Variants in TRHDE observed in about 807,000 individuals in gnomAD.
The protein encoded by TRHDE is thyrotropin-releasing hormone-degrading ectoenzyme.
TRHDE carries 72 observed loss-of-function variants against 125.7 expected under a neutral mutation model. The observed-to-expected ratio is 0.57, with a 90% CI of 0.47 to 0.70. TRHDE has a LOEUF of 0.70. Among genes scored for constraint, TRHDE ranks in the 30% least tolerant of loss-of-function variants. TRHDE has a pLI of 0.00. For missense variants in TRHDE, 1,110 were observed against 1,327.1 expected, an observed-to-expected ratio of 0.84 and a Z score of 2.54; for synonymous variants, 509 against 509.1, an observed-to-expected ratio of 1.00 and a Z score of 0.00.
At chr12:72,612,831 G>A (rs1282105532) in intron 12 of TRHDE, among the ~76,000 whole-genome samples, 8 of 151,848 alleles carry the variant, frequency 5.3e-5, no homozygotes, top group African/African-American at 9.7e-5. Flanking sequence ...ATTAATTCTC[G>A]CAATTAATGG....
chr12:72,650,685 T>C (rs565083072), intron 15 of TRHDE, among the ~76,000 whole-genome samples: 4 of 152,200 alleles, frequency 2.6e-5, no homozygotes, highest in South Asian at 2.1e-4. Flanking sequence ...TCAGTAGATA[T>C]TTTGTTGTTT....
intron 2 of TRHDE, among the ~76,000 whole-genome samples, chr12:72,340,172 A>G (rs1383372490): frequency 6.6e-6 from 1 of 152,076 alleles, no homozygotes; most frequent in African/African-American, 2.4e-5. Flanking sequence ...GAGTATGGGA[A>G]CTCAGAAAAT....
intron 2 of TRHDE, among the ~76,000 whole-genome samples, chr12:72,293,987 G>A (rs1441860418): frequency 6.6e-6 from 1 of 152,132 alleles, no homozygotes; most frequent in Non-Finnish European, 1.5e-5. Context: ...ATGCTGTCAT[G>A]GGCACTGGAC....
At chr12:72,366,064 G>C (rs139906353) in intron 2 of TRHDE, among the ~76,000 whole-genome samples, 1 of 152,004 alleles carries the variant, frequency 6.6e-6, no homozygotes, top group African/African-American at 2.4e-5. Flanking sequence ...GAGGTCCAAC[G>C]AACTCTTTCT....
chr12:72,494,808 A>C (rs546044641), intron 5 of TRHDE, among the ~76,000 whole-genome samples: 2 of 152,168 alleles, frequency 1.3e-5, no homozygotes, highest in South Asian at 4.1e-4. Flanking sequence ...TATTGTAATA[A>C]ATAACATTTA....
chr12:72,238,296 A>G (rs1157169832), intron 2 of TRHDE, among the ~76,000 whole-genome samples: 5 of 33,234 alleles, frequency 1.5e-4, no homozygotes, highest in East Asian at 1.7e-3. Flanking sequence ...ATATATATAT[A>G]TATATATATA....
At chr12:72,364,407 G>C (rs1871258406) in intron 2 of TRHDE, among the ~76,000 whole-genome samples, 1 of 151,888 alleles carries the variant, frequency 6.6e-6, no homozygotes, top group Admixed American at 6.6e-5. Flanking sequence ...AATCCCCTTT[G>C]AAAACTTATT....
intron 18 of TRHDE, among the ~76,000 whole-genome samples, chr12:72,657,927 A>G (rs1874770739): frequency 6.6e-6 from 1 of 152,204 alleles, no homozygotes; most frequent in Non-Finnish European, 1.5e-5. Context: ...TTTCACTGAC[A>G]GAATGCCTAA....
intron 2 of TRHDE, among the ~76,000 whole-genome samples, chr12:72,241,346 GT>G (rs1013993889): frequency 2.6e-5 from 4 of 151,850 alleles, no homozygotes; most frequent in African/African-American, 7.3e-5. Context: ...TGCTGATCTA[GT>G]TTTTTTTACT....
At chr12:72,508,948 T>G (rs1375141629) in intron 6 of TRHDE, among the ~76,000 whole-genome samples, 1 of 152,112 alleles carries the variant, frequency 6.6e-6, no homozygotes, top group Non-Finnish European at 1.5e-5. Context: ...CTCTTTGCCT[T>G]CTGTTATGAT....
chr12:72,320,273 T>G (rs1373972338), intron 2 of TRHDE, among the ~76,000 whole-genome samples: 2 of 152,158 alleles, frequency 1.3e-5, no homozygotes, highest in Non-Finnish European at 1.5e-5. Flanking sequence ...TTGCAGATGC[T>G]AAAGTACCTT....
intron 2 of TRHDE, among the ~76,000 whole-genome samples, chr12:72,137,202 C>T (rs890948903): frequency 6.6e-6 from 1 of 152,126 alleles, no homozygotes; most frequent in Non-Finnish European, 1.5e-5. Context: ...TTGGATAGAT[C>T]CATGTGTGAG....
intron 3 of TRHDE, among the ~76,000 whole-genome samples, chr12:72,390,542 T>C (rs1872578390): frequency 6.6e-6 from 1 of 152,212 alleles, no homozygotes; most frequent in Non-Finnish European, 1.5e-5. Context: ...GACTGAGGGA[T>C]AGTTATGTAA....
intron 2 of TRHDE, among the ~76,000 whole-genome samples, chr12:72,301,718 C>T (rs1412054690): frequency 1.3e-5 from 2 of 152,072 alleles, no homozygotes; most frequent in African/African-American, 2.4e-5. Flanking sequence ...AAGTACAGTG[C>T]CTATCAAAGT....
chr12:72,286,374 G>A (rs1592519897), intron 1 of TRHDE, among the ~76,000 whole-genome samples: 1 of 152,184 alleles, frequency 6.6e-6, no homozygotes, highest in Non-Finnish European at 1.5e-5. Flanking sequence ...TCACTTTCCA[G>A]TTCTGGCCAG....
At chr12:72,235,818 A>G (rs1878328807) in intron 2 of TRHDE, among the ~76,000 whole-genome samples, 1 of 152,170 alleles carries the variant, frequency 6.6e-6, no homozygotes, top group Admixed American at 6.5e-5. Flanking sequence ...TCTCCTCACA[A>G]AACATCTGCT....
intron 12 of TRHDE, among the ~76,000 whole-genome samples, chr12:72,616,369 A>G (rs1872811116): frequency 6.6e-6 from 1 of 152,118 alleles, no homozygotes; most frequent in Admixed American, 6.6e-5. Flanking sequence ...TCAGTAGATT[A>G]AATTGTAGAT....
At chr12:72,481,016 A>G (rs1877143408) in intron 5 of TRHDE, among the ~76,000 whole-genome samples, 1 of 152,088 alleles carries the variant, frequency 6.6e-6, no homozygotes, top group African/African-American at 2.4e-5. Flanking sequence ...GCATTTCCCC[A>G]GGTAAAATGA....
At chr12:72,618,851 T>G (rs751561231) in intron 12 of TRHDE, 40 bp from the exon 13 acceptor site, 1 of 1,422,776 alleles carries the variant, frequency 7.0e-7, no homozygotes, top group South Asian at 1.6e-5. Flanking sequence ...AAATCTTCGT[T>G]TGTGCATCAT....
Sources: gnomAD v4.1 joint callset for allele counts (sites outside exome capture counted in the v4.1 genomes callset) on GRCh38, gnomAD v4.1.1 for gene constraint, MANE v1.5 for transcripts, NCBI Gene and HGNC (gene_info 2026-07-23, HGNC 2026-07-21) for gene names.